NSRP1: variants seen among roughly 807,000 people sequenced by gnomAD.
The protein encoded by NSRP1 is coiled-coil domain containing 55.
In NSRP1, 24 loss-of-function variants were observed where a neutral mutation model predicts 54.7. That is an observed-to-expected ratio of 0.44 (90% CI 0.32 to 0.62). The LOEUF is 0.62. NSRP1 is among the 20% of genes least tolerant of loss of function. The pLI is 0.06. For synonymous variants in NSRP1, 210 were observed against 213.8 expected (o/e 0.98, Z 0.15); for missense variants, 596 against 651.2 (o/e 0.92, Z 0.92).
At chr17:30,182,207 C>T (rs1437903583) in intron 6 of NSRP1, among the ~76,000 whole-genome samples, 1 of 152,002 alleles carries the variant, frequency 6.6e-6, no homozygotes, top group Non-Finnish European at 1.5e-5. Flanking sequence ...TATACATGTT[C>T]AGATAGTGTA....
chr17:30,151,774 C>CTTTTTTTTTT (rs780507533), intron 2 of NSRP1, among the ~76,000 whole-genome samples: 1 of 48,920 alleles, frequency 2.0e-5, no homozygotes, highest in Non-Finnish European at 3.9e-5. Flanking sequence ...TTGTCACTTT[C>CTTTTTTTTTT]TTTTTTTTTT....
rs1251707388 is a variant in NSRP1, at chr17:30,185,403, A to G, written c.1406A>G (p.Gln469Arg). The G allele has an allele frequency of 6.2e-7, 1 of 1,610,990 alleles. No homozygotes were observed. The highest frequency in any genetic ancestry group is 8.5e-7 in the Non-Finnish European group (1 of 1,179,370). The change falls in exon 7 of 7, where the codon CAA (glutamine) becomes CGA (arginine). Residue 469 changes from glutamine (Q) to arginine (R), a missense_variant. By Grantham distance (43) the Gln-to-Arg change is conservative. Coordinates refer to ENST00000247026, the MANE Select transcript of NSRP1 (RefSeq NM_032141.4). The stretch of plus-strand genomic sequence containing the variant: ...AGGGCAAAGGATAAATTTCTTGACC[A>G]AGAAAGATCCAACAAAATGAGAAAC... ...NSRAKDKFLD[Q>R]ERSNKMRNMA...
In NSRP1 at chr17:30,180,959, T is replaced by C; in HGVS notation, c.560T>C (p.Leu187Pro). ...QKDLSGFYRH[L>P]LNQAVGEEEV... ...GATCTCAGTGGATTTTATAGGCACC[T>C]ATTAAATCAAGCAGTTGGTGAAGAG... The change falls in exon 6 of 7, where the codon CTA becomes CCA. Residue 187 changes from leucine to proline, a missense_variant. Leu to Pro is a moderately conservative substitution (Grantham distance 98). Coordinates refer to ENST00000247026, the MANE Select transcript of NSRP1 (RefSeq NM_032141.4). The C allele has an allele frequency of 6.2e-7, 1 of 1,613,880 alleles. No individual in the cohort carries two copies. The highest frequency in any genetic ancestry group is 8.5e-7 in the Non-Finnish European group (1 of 1,179,818).
Position 30,118,766 on chromosome 17 carries a change from T to G in NSRP1, c.114+593T>G, listed in dbSNP as rs961890947. The stretch of plus-strand genomic sequence containing the variant: ...TCTTTTCTCTTTTTTTTTTTTTTTT[T>G]GAAACAGTGTCTTGCTCAGTTGCCC... On this transcript the variant is annotated intron_variant, in intron 2 of 6. Transcript: ENST00000247026. Among the ~76,000 whole-genome samples, 19 of 151,390 alleles carry G rather than the reference T, an allele frequency of 1.3e-4. No homozygotes were observed. The East Asian group carries it at 3.5e-3, about 28-fold the overall frequency.
chr17:30,165,119 T>C (rs932489604), intron 2 of NSRP1, among the ~76,000 whole-genome samples: 1 of 152,236 alleles, frequency 6.6e-6, no homozygotes, highest in Non-Finnish European at 1.5e-5. Context: ...CATAATTCAA[T>C]TTATTTAACA....
At chr17:30,141,003 T>C (rs186254782) in intron 2 of NSRP1, among the ~76,000 whole-genome samples, 1 of 152,228 alleles carries the variant, frequency 6.6e-6, no homozygotes, top group East Asian at 1.9e-4. Context: ...AATTGTTTTG[T>C]AGAGATGAGG....
chr17:30,125,255 A>G (rs1446670751), intron 2 of NSRP1, among the ~76,000 whole-genome samples: 1 of 152,212 alleles, frequency 6.6e-6, no homozygotes, highest in Non-Finnish European at 1.5e-5. Flanking sequence ...CTCTTTCATA[A>G]TTAGTCAACA....
chr17:30,184,962 A>G lies in NSRP1; in HGVS notation c.965A>G (p.Gln322Arg), dbSNP rs753740317. Reference protein sequence around the residue: ...GHEKREDQHQQKQSRDQENHY... With the variant: ...GHEKREDQHQRKQSRDQENHY... The stretch of plus-strand genomic sequence containing the variant: ...GAGAAAAGGGAAGATCAGCACCAGC[A>G]GAAGCAATCCAGAGACCAAGAGAAC... The change falls in exon 7 of 7, where the codon CAG becomes CGG. Residue 322 changes from glutamine (Q) to arginine (R), a missense_variant. Gln to Arg is a conservative substitution (Grantham distance 43, BLOSUM62 1). Coordinates refer to ENST00000247026, the MANE Select transcript of NSRP1 (RefSeq NM_032141.4). 5.6e-6 allele frequency: 9 copies of G among 1,614,162 alleles called. 1 individual carries two copies. In the South Asian group the frequency reaches 8.8e-5, roughly 16 times the overall value.
chr17:30,158,733 A>G (rs1453488155), intron 2 of NSRP1, among the ~76,000 whole-genome samples: 1 of 152,080 alleles, frequency 6.6e-6, no homozygotes, highest in Non-Finnish European at 1.5e-5. Context: ...TTTCCCCAGT[A>G]TACGTTCTTG....
At chr17:30,155,525 A>C (rs1474556537) in intron 2 of NSRP1, among the ~76,000 whole-genome samples, 1 of 151,994 alleles carries the variant, frequency 6.6e-6, no homozygotes, top group Non-Finnish European at 1.5e-5. Context: ...AATATCTTTC[A>C]TATCACTATA....
intron 2 of NSRP1, among the ~76,000 whole-genome samples, chr17:30,157,860 T>C (rs1022604782): frequency 6.6e-6 from 1 of 152,194 alleles, no homozygotes; most frequent in Non-Finnish European, 1.5e-5. Context: ...GGCCAAATAG[T>C]ATTCTATTGT....
Position 30,167,087 on chromosome 17 carries a change from A to G in NSRP1, c.115-5455A>G, listed in dbSNP as rs1904757915. 2.0e-5 allele frequency among the ~76,000 whole-genome samples: 3 copies of G among 151,982 alleles called. No individual in the cohort carries two copies. In the South Asian group the frequency reaches 6.2e-4, roughly 32 times the overall value. ...TTATCTACCTTTTCACTCTACCTCC[A>G]TGTGATCAAAGTTTTTATTTTAGCT... On this transcript the variant is annotated intron_variant, in intron 2 of 6. Coordinates refer to ENST00000247026, the MANE Select transcript of NSRP1 (RefSeq NM_032141.4).
At chr17:30,167,382 A>G (rs1488702388) in intron 2 of NSRP1, among the ~76,000 whole-genome samples, 5 of 152,140 alleles carry the variant, frequency 3.3e-5, no homozygotes, top group Admixed American at 6.5e-5. Flanking sequence ...AGGCCAAGGC[A>G]GGTGGATCAT....
chr17:30,150,558 A>G (rs2071897695), intron 2 of NSRP1: 1 of 143,808 alleles, frequency 7.0e-6, no homozygotes, highest in South Asian at 2.2e-4. Flanking sequence ...AATTATTTGT[A>G]TTTTTAGTAG....
At chr17:30,121,350 A>G (rs995215144) in intron 2 of NSRP1, among the ~76,000 whole-genome samples, 3 of 151,848 alleles carry the variant, frequency 2.0e-5, no homozygotes, top group African/African-American at 4.8e-5. Flanking sequence ...GGTTGAGGTC[A>G]TTGGGAATTA....
At chr17:30,117,106 G>A (rs2071541767) in intron 1 of NSRP1, 2 of 755,808 alleles carry the variant, frequency 2.6e-6, no homozygotes, top group Admixed American at 3.6e-5. Flanking sequence ...GAGGGGCAGA[G>A]AGCGAGACTT....
At chr17:30,182,389 A>T (rs1398024415) in intron 6 of NSRP1, among the ~76,000 whole-genome samples, 1 of 152,182 alleles carries the variant, frequency 6.6e-6, no homozygotes, top group Non-Finnish European at 1.5e-5. Context: ...CACGCCTGTT[A>T]TCCCAGCACT....
chr17:30,161,209 T>C (rs1046326968), intron 2 of NSRP1, among the ~76,000 whole-genome samples: 2 of 152,244 alleles, frequency 1.3e-5, no homozygotes, highest in Non-Finnish European at 2.9e-5. Flanking sequence ...CAATTCTTTA[T>C]GTGTACATAG....
intron 2 of NSRP1, chr17:30,127,861 T>G (rs2071664469): frequency 2.5e-6 from 1 of 397,610 alleles, no homozygotes; most frequent in Non-Finnish European, 4.4e-6. Flanking sequence ...TGAGACAGGA[T>G]CTTGCTCTTT....
Sources: allele counts gnomAD v4.1 joint callset (sites outside exome capture counted in the v4.1 genomes callset), GRCh38; gene constraint gnomAD v4.1.1; transcripts MANE v1.5; gene names NCBI Gene and HGNC (gene_info 2026-07-23, HGNC 2026-07-21).